PGM2L1: variants seen among roughly 807,000 people sequenced by gnomAD.
PGM2L1 encodes phosphoglucomutase 2 like 1.
In PGM2L1, 35 loss-of-function variants were observed where a neutral mutation model predicts 73.4. The ratio of observed to expected loss-of-function variants is 0.48; its 90% confidence interval spans 0.36 to 0.63. The LOEUF (loss-of-function observed/expected upper bound fraction) is 0.63, where lower values mean the gene tolerates loss of function less well. Ranked by LOEUF, PGM2L1 falls within the 30% of genes least tolerant of loss-of-function variation. PGM2L1 has a pLI of 0.00. For synonymous variants in PGM2L1, 225 were observed against 253.8 expected, an observed-to-expected ratio of 0.89 and a Z score of 1.08; for missense variants, 570 against 742.0, an observed-to-expected ratio of 0.77 and a Z score of 2.69.
intron 5 of PGM2L1, among the ~76,000 whole-genome samples, chr11:74,365,155 TAGCC>T (rs1259807792): frequency 6.6e-6 from 1 of 151,302 alleles, no homozygotes; most frequent in Non-Finnish European, 1.5e-5. Flanking sequence ...GAAAACTGGC[TAGCC>T]ATATGTAGAA....
intron 1 of PGM2L1, among the ~76,000 whole-genome samples, chr11:74,392,482 C>A (rs909736486): frequency 2.0e-5 from 3 of 151,832 alleles, no homozygotes; most frequent in African/African-American, 7.3e-5. Context: ...AAAAAAAAAT[C>A]CATGGCAATT....
At chr11:74,344,707 T>C (rs1383541544) in intron 9 of PGM2L1, among the ~76,000 whole-genome samples, 2 of 152,240 alleles carry the variant, frequency 1.3e-5, no homozygotes, top group East Asian at 1.9e-4. Context: ...CTTCTTGCTA[T>C]AGACATAAAC....
chr11:74,360,230 AAAAAAT>A (rs1005232807), intron 5 of PGM2L1, among the ~76,000 whole-genome samples: 9 of 151,726 alleles, frequency 5.9e-5, no homozygotes, highest in African/African-American at 2.2e-4. Flanking sequence ...ACCTTGTCTT[AAAAAAT>A]AAAAATAAAA....
chr11:74,338,742 G>A lies in PGM2L1; in HGVS notation c.1633-141C>T. ...TACAGAAATAGAAATTAGAATGGCA[G>A]TTGCCAAGGCAGGGGGTATAGGGAG... On this transcript the variant is annotated intron_variant, in intron 12 of 13. Coordinates refer to ENST00000298198, the MANE Select transcript of PGM2L1 (RefSeq NM_173582.6). 4 of 1,065,098 alleles carry A rather than the reference G, an allele frequency of 3.8e-6. No individual in the cohort carries two copies. In the South Asian group the frequency reaches 8.2e-5, roughly 22 times the overall value. The allele number at this position is 1,065,098 out of a possible 1,614,324, so 66.0% of individuals were successfully genotyped here.
chr11:74,350,916 AG>A (rs1862341418), intron 6 of PGM2L1, among the ~76,000 whole-genome samples: 3 of 144,606 alleles, frequency 2.1e-5, no homozygotes, highest in Non-Finnish European at 3.0e-5. Flanking sequence ...AGAGAGAGAG[AG>A]AAAGAGAGAG....
At chr11:74,357,481 A>G (rs1248864339) in intron 5 of PGM2L1, among the ~76,000 whole-genome samples, 2 of 152,252 alleles carry the variant, frequency 1.3e-5, no homozygotes, top group Admixed American at 6.5e-5. Flanking sequence ...ATGAGATACT[A>G]CTGCACACCT....
At chr11:74,387,691 C>T (rs1322603056) in intron 1 of PGM2L1, among the ~76,000 whole-genome samples, 4 of 152,200 alleles carry the variant, frequency 2.6e-5, no homozygotes, top group African/African-American at 9.7e-5. Context: ...AATTCTACCT[C>T]TTACAAAAAA....
At chr11:74,393,987 A>C (rs1250585663) in intron 1 of PGM2L1, among the ~76,000 whole-genome samples, 2 of 152,202 alleles carry the variant, frequency 1.3e-5, no homozygotes, top group Non-Finnish European at 2.9e-5. Context: ...GAAAAAAAAA[A>C]AACTAGGAAG....
chr11:74,346,270 C>CAAAAAAAAAAAAAAAAAAAAAAAAAAA (rs751742460), intron 8 of PGM2L1, among the ~76,000 whole-genome samples: 1 of 57,880 alleles, frequency 1.7e-5, no homozygotes, highest in Non-Finnish European at 3.0e-5. Flanking sequence ...ACTATGTCTC[C>CAAAAAAAAAAAAAAAAAAAAAAAAAAA]AAAAAAAAAA....
Position 74,342,945 on chromosome 11 carries a change from G to T in PGM2L1, c.1382C>A (p.Ala461Glu). 6.2e-7 allele frequency: 1 copy of T among 1,610,754 alleles called. No homozygotes were observed. Among genetic ancestry groups the T allele is most frequent in the Non-Finnish European group, 8.5e-7 (1 of 1,178,062 alleles). Residue 461 changes from alanine (A) to glutamate (E), a missense_variant, in exon 11 of 14, where the codon GCA (alanine) becomes GAA (glutamate). Physicochemically the swap from Ala to Glu is moderately radical, Grantham distance 107. Transcript: ENST00000298198. Reference sequence around the variant, plus strand: ...TATATTCATGGTTTCCAGGTAAGATGCCATCTCAGCAACCACAACAGCTGC... The same window carrying T: ...TATATTCATGGTTTCCAGGTAAGATTCCATCTCAGCAACCACAACAGCTGC... Reference protein sequence around the residue: ...VSAAVVVAEMASYLETMNITL... With the variant: ...VSAAVVVAEMESYLETMNITL...
chr11:74,340,796 G>A (rs997852546), intron 12 of PGM2L1, among the ~76,000 whole-genome samples: 3 of 152,132 alleles, frequency 2.0e-5, no homozygotes, highest in Non-Finnish European at 2.9e-5. Flanking sequence ...AGAGGAAGGT[G>A]TCTAATTATG....
intron 1 of PGM2L1, among the ~76,000 whole-genome samples, chr11:74,375,616 T>A (rs946958038): frequency 5.3e-5 from 8 of 152,190 alleles, no homozygotes; most frequent in African/African-American, 1.9e-4. Flanking sequence ...TTACAGTATA[T>A]TTGTCCTTAG....
At chr11:74,384,409 G>C (rs879916559) in intron 1 of PGM2L1, among the ~76,000 whole-genome samples, 4 of 151,370 alleles carry the variant, frequency 2.6e-5, no homozygotes, top group Non-Finnish European at 5.9e-5. Context: ...TAATCTTCTT[G>C]ATCTTGACAA....
At chr11:74,380,680 A>C (rs1436978647) in intron 1 of PGM2L1, among the ~76,000 whole-genome samples, 1 of 152,168 alleles carries the variant, frequency 6.6e-6, no homozygotes, top group Non-Finnish European at 1.5e-5. Context: ...TCTTTTTTTA[A>C]AAAAACTATA....
Position 74,336,669 on chromosome 11 carries a change from T to A in PGM2L1, c.1852A>T (p.Ile618Phe). ...GTGTACCCCTAAACAGAACGCCAGA[T>A]CAGTCCATTCTTACTAGGCTGAAGA... is the stretch of plus-strand genomic sequence containing the variant. ...NFLQPSKNGL[I>F]WRSV The change falls in exon 14 of 14, where the codon ATC becomes TTC. Residue 618 changes from isoleucine (I) to phenylalanine (F), a missense_variant. Transcript: ENST00000298198. 6.2e-7 allele frequency: 1 copy of A among 1,609,236 alleles called. No individual in the cohort carries two copies. The highest frequency in any genetic ancestry group is 1.1e-5 in the South Asian group (1 of 90,574).
intron 2 of PGM2L1, among the ~76,000 whole-genome samples, chr11:74,372,610 C>T (rs997825544): frequency 3.1e-4 from 47 of 152,030 alleles, no homozygotes; most frequent in African/African-American, 8.5e-4. Context: ...AAGAAAGAAA[C>T]GCAGACACCA....
rs1861998697 is a variant in PGM2L1 at position 74,330,737 on chromosome 11, C to T, written c.*5915G>A. 1 of 152,574 alleles carries T rather than the reference C, an allele frequency of 6.6e-6. No homozygotes were observed. The highest frequency in any genetic ancestry group is 1.5e-5 in the Non-Finnish European group (1 of 68,038). The allele number at this position is 152,574 out of a possible 1,614,324, so 9.5% of individuals were successfully genotyped here. ...GTGACTCACTTGGAAGGTAGTGCTACTAGGCTCAAAATGACACTTAGACTA... is the reference window on the plus strand; with the variant it reads ...GTGACTCACTTGGAAGGTAGTGCTATTAGGCTCAAAATGACACTTAGACTA... On this transcript the variant is annotated 3_prime_UTR_variant, in exon 14 of 14. Coordinates refer to ENST00000298198, the MANE Select transcript of PGM2L1 (RefSeq NM_173582.6).
chr11:74,330,683 A>G lies in PGM2L1; in HGVS notation c.*5969T>C, dbSNP rs1293000241. 6.6e-6 allele frequency: 1 copy of G among 152,668 alleles called. No individual in the cohort carries two copies. Among genetic ancestry groups the G allele is most frequent in the East Asian group, 1.9e-4 (1 of 5,202 alleles). The allele number at this position is 152,668 out of a possible 1,614,324, so 9.5% of individuals were successfully genotyped here. A position where few individuals can be genotyped will look rare whatever the true frequency, so the allele number is the denominator to read the frequency against. ...ACATGATGAATCATAACAGTGGACA[A>G]AAACATACCAAATAGGATCAAATTT... On this transcript the variant is annotated 3_prime_UTR_variant, in exon 14 of 14. Transcript: ENST00000298198.
At chr11:74,348,924 G>C (rs1489133424) in intron 6 of PGM2L1, among the ~76,000 whole-genome samples, 1 of 152,160 alleles carries the variant, frequency 6.6e-6, no homozygotes, top group Non-Finnish European at 1.5e-5. Context: ...CTCACAGGTG[G>C]AAGCACACAA....
Sources: gnomAD v4.1 joint callset for allele counts (sites outside exome capture counted in the v4.1 genomes callset) on GRCh38, gnomAD v4.1.1 for gene constraint, MANE v1.5 for transcripts, NCBI Gene and HGNC (gene_info 2026-07-23, HGNC 2026-07-21) for gene names.